The following DNAJC15 variants were observed in gnomAD, a reference collection of about 807,000 sequenced individuals.
The protein encoded by DNAJC15 is dnaJ homolog subfamily C member 15.
In DNAJC15, 27 loss-of-function variants were observed where a neutral mutation model predicts 22.4. The ratio of observed to expected loss-of-function variants is 1.20; its 90% confidence interval spans 0.89 to 1.66. The LOEUF (loss-of-function observed/expected upper bound fraction) is 1.66. DNAJC15 is among the 40% of genes most tolerant of loss of function. The pLI is 0.00. For synonymous variants in DNAJC15, 79 were observed against 63.2 expected, an observed-to-expected ratio of 1.25 and a Z score of -1.19; for missense variants, 208 against 187.1, an observed-to-expected ratio of 1.11 and a Z score of -0.65.
chr13:43,047,712 C>T (rs1169041943), intron 1 of DNAJC15, among the ~76,000 whole-genome samples: 1 of 152,146 alleles, frequency 6.6e-6, no homozygotes, highest in Non-Finnish European at 1.5e-5. Flanking sequence ...TCCATAGCAG[C>T]CCCATACATA....
chr13:43,083,899 A>G (rs1408511678), intron 4 of DNAJC15, among the ~76,000 whole-genome samples: 1 of 152,228 alleles, frequency 6.6e-6, no homozygotes, highest in African/African-American at 2.4e-5. Context: ...AAGTCCTTAT[A>G]GGAAAATATT....
chr13:43,044,786 A>C (rs2040468721), intron 1 of DNAJC15, among the ~76,000 whole-genome samples: 1 of 150,952 alleles, frequency 6.6e-6, no homozygotes, highest in Non-Finnish European at 1.5e-5. Context: ...TATTGGCCTT[A>C]CCTCCGAACT....
rs1401543775 is a variant in DNAJC15 at position 43,108,809 on chromosome 13, TTAATTACTA to T, written c.*1563_*1571del. The T allele has an allele frequency of 3.9e-5, 6 of 152,184 alleles. No homozygotes were observed. The highest frequency in any genetic ancestry group is 1.2e-4 in the African/African-American group (5 of 41,458). 9.4% of individuals were successfully genotyped at this position (152,184 alleles called of 1,614,324 possible). ...AGTTGAGAACCATTTCAGTAAAACT[TTAATTACTA>T]TTTTTTCTTTTGGTTTATAAAATAA... On this transcript the variant is annotated 3_prime_UTR_variant, in exon 6 of 6. Transcript: ENST00000379221.
chr13:43,102,971 C>A (rs957337232), intron 5 of DNAJC15, among the ~76,000 whole-genome samples: 15 of 151,986 alleles, frequency 9.9e-5, no homozygotes, highest in Non-Finnish European at 1.6e-4. Flanking sequence ...CTTAAATATT[C>A]TTTTGATTTT....
chr13:43,035,228 G>A (rs2040423974), intron 1 of DNAJC15, among the ~76,000 whole-genome samples: 1 of 152,034 alleles, frequency 6.6e-6, no homozygotes, highest in Non-Finnish European at 1.5e-5. Flanking sequence ...ATGGAGGGAG[G>A]GTGCTAGGGA....
intron 1 of DNAJC15, among the ~76,000 whole-genome samples, chr13:43,033,535 A>C (rs1190187913): frequency 6.6e-6 from 1 of 152,140 alleles, no homozygotes; most frequent in East Asian, 1.9e-4. Flanking sequence ...CAGGTACCAC[A>C]TTACATTTAG....
At chr13:43,024,893 T>TAAAAAAAAAAAAACAAAAAAA (rs2040372711) in intron 1 of DNAJC15, among the ~76,000 whole-genome samples, 1 of 85,946 alleles carries the variant, frequency 1.2e-5, no homozygotes, top group Non-Finnish European at 2.3e-5. Flanking sequence ...CCATCTCTGC[T>TAAAAAAAAAAAAACAAAAAAA]AAAAAAAAAA....
intron 5 of DNAJC15, among the ~76,000 whole-genome samples, chr13:43,104,175 G>T (rs1032776613): frequency 7.9e-5 from 12 of 152,080 alleles, no homozygotes; most frequent in Middle Eastern, 3.2e-3. Flanking sequence ...AAGCTCCAAA[G>T]GTTCCTTTTT....
intron 1 of DNAJC15, among the ~76,000 whole-genome samples, chr13:43,051,736 T>C (rs1258805207): frequency 6.6e-6 from 1 of 152,138 alleles, no homozygotes; most frequent in African/African-American, 2.4e-5. Flanking sequence ...AATTGTGAAT[T>C]GTGCTGCCAT....
At chr13:43,060,184 G>A (rs1167337360) in intron 1 of DNAJC15, among the ~76,000 whole-genome samples, 1 of 152,126 alleles carries the variant, frequency 6.6e-6, no homozygotes, top group Non-Finnish European at 1.5e-5. Context: ...GTGGTATGGA[G>A]AGATAATGGG....
chr13:43,056,802 C>T (rs2040533695), intron 1 of DNAJC15, among the ~76,000 whole-genome samples: 1 of 152,118 alleles, frequency 6.6e-6, no homozygotes, highest in Non-Finnish European at 1.5e-5. Flanking sequence ...GCTTTGAAGT[C>T]TGTTTTGTCT....
intron 1 of DNAJC15, among the ~76,000 whole-genome samples, chr13:43,036,441 A>G (rs1352030659): frequency 1.3e-5 from 2 of 152,188 alleles, no homozygotes; most frequent in African/African-American, 4.8e-5. Flanking sequence ...GAATGGAGGA[A>G]GTGCATGTTG....
At chr13:43,097,641 A>G (rs555440075) in intron 5 of DNAJC15, among the ~76,000 whole-genome samples, 14 of 146,232 alleles carry the variant, frequency 9.6e-5, no homozygotes, top group South Asian at 8.5e-4. Context: ...GGTAAAGGGG[A>G]AAAAAAAAGG....
chr13:43,107,826 C>G lies in DNAJC15; in HGVS notation c.*578C>G, dbSNP rs1170250173. 1 of 152,080 alleles carries G rather than the reference C, an allele frequency of 6.6e-6. No individual in the cohort carries two copies. Among genetic ancestry groups the G allele is most frequent in the Non-Finnish European group, 1.5e-5 (1 of 68,004 alleles). 9.4% of individuals were successfully genotyped at this position (152,080 alleles called of 1,614,324 possible). A position where few individuals can be genotyped will look rare whatever the true frequency, so the allele number is the denominator to read the frequency against. On this transcript the variant is annotated 3_prime_UTR_variant, in exon 6 of 6. Transcript: ENST00000379221. Reference sequence around the variant, plus strand: ...CCCACTATCTCTGAGACCCTATAGCCAAAGCATGAGGACTTGGAGAGCTAC... The same window carrying G: ...CCCACTATCTCTGAGACCCTATAGCGAAAGCATGAGGACTTGGAGAGCTAC...
intron 1 of DNAJC15, among the ~76,000 whole-genome samples, chr13:43,065,400 A>G (rs1164454176): frequency 2.0e-5 from 3 of 152,228 alleles, no homozygotes; most frequent in East Asian, 1.9e-4. Context: ...AAAATCGTCT[A>G]TAGAAAAAAT....
rs570209132 is a variant in DNAJC15, at chr13:43,088,383, A to G, written c.382+2545A>G. 2.1e-4 allele frequency among the ~76,000 whole-genome samples: 32 copies of G among 152,242 alleles called. No homozygotes were observed. The East Asian group carries it at 5.8e-3, about 28-fold the overall frequency. ...GGGCTTTCTGCTCTGTCCCGGGGAA[A>G]ATGTCCTATTAGCTCTCCTTCAAGA... On this transcript the variant is annotated intron_variant, in intron 5 of 5. Coordinates refer to ENST00000379221, the MANE Select transcript of DNAJC15 (RefSeq NM_013238.3).
At chr13:43,089,000 T>C (rs1420198743) in intron 5 of DNAJC15, among the ~76,000 whole-genome samples, 2 of 152,208 alleles carry the variant, frequency 1.3e-5, no homozygotes, top group East Asian at 1.9e-4. Context: ...TGATAAATGC[T>C]GAGATCCTTA....
intron 2 of DNAJC15, among the ~76,000 whole-genome samples, chr13:43,066,568 G>A (rs1182466855): frequency 1.3e-5 from 2 of 152,202 alleles, no homozygotes; most frequent in Non-Finnish European, 2.9e-5. Flanking sequence ...CATATTCTCA[G>A]GTTCCAAGGA....
intron 2 of DNAJC15, among the ~76,000 whole-genome samples, chr13:43,066,748 G>A (rs1304171523): frequency 3.9e-5 from 6 of 151,978 alleles, no homozygotes; most frequent in Non-Finnish European, 7.4e-5. Flanking sequence ...TCAGCCTCCC[G>A]AGTAGCTGGG....
Sources: allele counts gnomAD v4.1 joint callset (sites outside exome capture counted in the v4.1 genomes callset), GRCh38; gene constraint gnomAD v4.1.1; transcripts MANE v1.5; gene names NCBI Gene and HGNC (gene_info 2026-07-23, HGNC 2026-07-21).